The following AUTS2 variants were observed in gnomAD, a reference collection of about 807,000 sequenced individuals.
AUTS2 encodes autism susceptibility gene 2 protein.
A neutral mutation model predicts 112.4 loss-of-function variants in AUTS2; 17 were observed. That is an observed-to-expected ratio of 0.15 (90% CI 0.10 to 0.23). The LOEUF (loss-of-function observed/expected upper bound fraction) is 0.23, where lower values mean the gene tolerates loss of function less well. AUTS2 is among the 10% of genes least tolerant of loss of function. The probability of loss-of-function intolerance (pLI) is 1.00; values close to 1 mark genes in which losing one functional copy is unlikely to be tolerated. For missense variants in AUTS2, 1,510 were observed against 1,701.6 expected (o/e 0.89, Z 1.98); for synonymous variants, 751 against 702.7 (o/e 1.07, Z -1.09).
At chr7:70,520,075 A>G (rs1191525825) in intron 5 of AUTS2, among the ~76,000 whole-genome samples, 2 of 152,030 alleles carry the variant, frequency 1.3e-5, no homozygotes, top group African/African-American at 4.8e-5. Context: ...CATTTTCTTA[A>G]TGGTGCCTTC....
chr7:70,729,243 G>A lies in AUTS2; in HGVS notation c.742+30623G>A, dbSNP rs377203356. 5.1e-5 allele frequency: 23 copies of A among 455,056 alleles called. No homozygotes were observed. The Middle Eastern group carries it at 1.1e-3, about 21-fold the overall frequency. The allele number at this position is 455,056 out of a possible 1,614,324, so 28.2% of individuals were successfully genotyped here. On this transcript the variant is annotated intron_variant, in intron 6 of 18. Coordinates refer to ENST00000342771, the MANE Select transcript of AUTS2 (RefSeq NM_015570.4). ...AAAGGTACCATGGCTGGGCCAGTGC[G>A]GACCCCAGTGCTGTTCCCCACTACT...
intron 4 of AUTS2, among the ~76,000 whole-genome samples, chr7:70,360,341 C>A (rs1200448361): frequency 6.6e-6 from 1 of 152,022 alleles, no homozygotes; most frequent in Non-Finnish European, 1.5e-5. Flanking sequence ...GATATAGAAA[C>A]CCCTAGTGTT....
chr7:70,506,785 G>C (rs531016003), intron 5 of AUTS2, among the ~76,000 whole-genome samples: 1 of 152,128 alleles, frequency 6.6e-6, no homozygotes, highest in African/African-American at 2.4e-5. Context: ...TGTTTATTTC[G>C]GGGCTGAGAT....
At chr7:70,111,418 G>A (rs944745904) in intron 2 of AUTS2, among the ~76,000 whole-genome samples, 11 of 152,080 alleles carry the variant, frequency 7.2e-5, no homozygotes, top group Non-Finnish European at 1.3e-4. Flanking sequence ...TAGAATATAA[G>A]TTAGATACCA....
At position 70,787,438 on chromosome 7, in the gene AUTS2, A is replaced by G; in HGVS notation, c.2531+7A>G. The G allele has an allele frequency of 6.2e-7, 1 of 1,600,172 alleles. No homozygotes were observed. Among genetic ancestry groups the G allele is most frequent in the Middle Eastern group, 1.7e-4 (1 of 6,010 alleles). ...GTAAAGATGACAAAGAAAGGTACGG[A>G]AAGAAACCGCTCTCGAGTCCCCACG... On this transcript the variant is annotated splice_region_variant and intron_variant, in intron 18 of 18. Coordinates refer to ENST00000342771, the MANE Select transcript of AUTS2 (RefSeq NM_015570.4).
intron 1 of AUTS2, among the ~76,000 whole-genome samples, chr7:69,828,458 A>T (rs1791353261): frequency 1.3e-5 from 2 of 152,110 alleles, no homozygotes; most frequent in African/African-American, 4.8e-5. Flanking sequence ...ATCTTTGATG[A>T]TATTGTGGAG....
chr7:70,768,950 T>C (rs1790132070), intron 10 of AUTS2, among the ~76,000 whole-genome samples: 1 of 150,356 alleles, frequency 6.7e-6, no homozygotes, highest in African/African-American at 2.5e-5. Flanking sequence ...TGATTCACCA[T>C]ACTCAACTGT....
At chr7:69,771,895 CT>C (rs1025697734) in intron 1 of AUTS2, among the ~76,000 whole-genome samples, 11 of 151,836 alleles carry the variant, frequency 7.2e-5, no homozygotes, top group African/African-American at 2.7e-4. Context: ...AGCAATTCTC[CT>C]GTCTCAGCCT....
chr7:70,218,406 A>G (rs1811285784), intron 4 of AUTS2, among the ~76,000 whole-genome samples: 1 of 152,214 alleles, frequency 6.6e-6, no homozygotes, highest in Non-Finnish European at 1.5e-5. Context: ...CTGATGCGGT[A>G]ACAAGGATAA....
intron 6 of AUTS2, among the ~76,000 whole-genome samples, chr7:70,701,555 G>A (rs1439738627): frequency 6.6e-6 from 1 of 152,174 alleles, no homozygotes; most frequent in Non-Finnish European, 1.5e-5. Context: ...ATGCCATCCA[G>A]TTTCATAGAG....
rs1791114469 is a variant in AUTS2, at chr7:70,781,925, A to T, written c.2146+169A>T. The T allele has an allele frequency of 5.1e-5, 38 of 748,096 alleles. 1 individual carries two copies. In the South Asian group the frequency reaches 6.3e-4, roughly 12 times the overall value. The allele number at this position is 748,096 out of a possible 1,614,324, so 46.3% of individuals were successfully genotyped here. On this transcript the variant is annotated intron_variant, in intron 15 of 18. Transcript: ENST00000342771. Reference sequence around the variant, plus strand: ...CACATCCAGGGAGTTGGGAATCTTCATTGATACACTCTCTTTCATTAAAGG... The same window carrying T: ...CACATCCAGGGAGTTGGGAATCTTCTTTGATACACTCTCTTTCATTAAAGG...
intron 2 of AUTS2, among the ~76,000 whole-genome samples, chr7:70,006,687 C>A (rs954092035): frequency 6.6e-6 from 1 of 152,036 alleles, no homozygotes; most frequent in African/African-American, 2.4e-5. Context: ...GGTGTGGTAC[C>A]TTTATACAAT....
chr7:69,932,024 G>A (rs1297725479), intron 2 of AUTS2, among the ~76,000 whole-genome samples: 1 of 152,150 alleles, frequency 6.6e-6, no homozygotes, highest in Non-Finnish European at 1.5e-5. Flanking sequence ...TGTGTTTTCA[G>A]AATCTCCCCT....
intron 4 of AUTS2, among the ~76,000 whole-genome samples, chr7:70,341,308 T>C (rs1480842682): frequency 1.3e-5 from 2 of 152,208 alleles, no homozygotes; most frequent in Non-Finnish European, 1.5e-5. Context: ...ACAAAGGCAC[T>C]GAGAAGGTTG....
At chr7:70,288,035 T>A (rs555272007) in intron 4 of AUTS2, among the ~76,000 whole-genome samples, 1 of 152,252 alleles carries the variant, frequency 6.6e-6, no homozygotes, top group South Asian at 2.1e-4. Flanking sequence ...AAAACAAGCC[T>A]CTAAAGATAT....
At chr7:70,225,974 G>A (rs951882450) in intron 4 of AUTS2, among the ~76,000 whole-genome samples, 1 of 152,120 alleles carries the variant, frequency 6.6e-6, no homozygotes, top group African/African-American at 2.4e-5. Flanking sequence ...ACTGTACAGA[G>A]AGCTATGAAT....
intron 1 of AUTS2, among the ~76,000 whole-genome samples, chr7:69,637,692 G>A (rs114417847): frequency 0.019 from 1,477 of 75,790 alleles, 31 homozygotes; most frequent in African/African-American, 0.071. Flanking sequence ...GAAAATCAAA[G>A]CGATAGTAGA....
Position 70,173,144 on chromosome 7 carries a change from C to T in AUTS2, c.660+38573C>T, listed in dbSNP as rs932359110. On this transcript the variant is annotated intron_variant, in intron 4 of 18. Coordinates refer to ENST00000342771, the MANE Select transcript of AUTS2 (RefSeq NM_015570.4). ...CTGTAATCCCAGTACTTTGGGAGGC[C>T]GAGGTAGGTGGATCACGAGGTCAGG... Among the ~76,000 whole-genome samples, 6 of 152,034 alleles carry T rather than the reference C, an allele frequency of 3.9e-5. No individual in the cohort carries two copies. In the East Asian group the frequency reaches 5.8e-4, roughly 15 times the overall value.
At chr7:70,364,756 C>T (rs1413743899) in intron 4 of AUTS2, among the ~76,000 whole-genome samples, 4 of 152,056 alleles carry the variant, frequency 2.6e-5, no homozygotes, top group Admixed American at 2.6e-4. Flanking sequence ...TGATTGAAAA[C>T]ATTTAGTTAA....
Sources: gnomAD v4.1 joint callset for allele counts (sites outside exome capture counted in the v4.1 genomes callset) on GRCh38, gnomAD v4.1.1 for gene constraint, MANE v1.5 for transcripts, NCBI Gene and HGNC (gene_info 2026-07-23, HGNC 2026-07-21) for gene names.